Variants in IL1RAPL2 observed in about 807,000 individuals in gnomAD.
The protein encoded by IL1RAPL2 is interleukin 1 receptor accessory protein like 2.
In IL1RAPL2, 3 loss-of-function variants were observed where a neutral mutation model predicts 44.1. The observed-to-expected ratio is 0.07, with a 90% CI of 0.03 to 0.18. IL1RAPL2 has a LOEUF of 0.18. Among genes scored for constraint, IL1RAPL2 ranks in the 10% least tolerant of loss-of-function variants. The pLI, the probability that IL1RAPL2 is intolerant of heterozygous loss-of-function variation, is 1.00. For synonymous variants in IL1RAPL2, 181 were observed against 178.8 expected, an observed-to-expected ratio of 1.01 and a Z score of -0.10; for missense variants, 391 against 496.4, an observed-to-expected ratio of 0.79 and a Z score of 2.02.
intron 2 of IL1RAPL2, among the ~76,000 whole-genome samples, chrX:105,053,028 T>A (rs904001995): frequency 1.8e-5 from 2 of 110,455 alleles, no homozygotes; most frequent in African/African-American, 6.6e-5. Flanking sequence ...GAATAATCAG[T>A]TGGAAATGCA....
intron 6 of IL1RAPL2, among the ~76,000 whole-genome samples, chrX:105,663,633 T>C (rs1433330183): frequency 8.9e-6 from 1 of 111,904 alleles, no homozygotes; most frequent in Non-Finnish European, 1.9e-5. Context: ...GTGTTATTCA[T>C]GTAGTTTTCA....
At chrX:105,253,713 T>C (rs1165858185) in intron 4 of IL1RAPL2, among the ~76,000 whole-genome samples, 1 of 111,488 alleles carries the variant, frequency 9.0e-6, no homozygotes, top group African/African-American at 3.3e-5. Flanking sequence ...CCTTCCACCT[T>C]CAAGTAGACC....
At chrX:105,389,274 G>A (rs1437369786) in intron 5 of IL1RAPL2, among the ~76,000 whole-genome samples, 1 of 111,950 alleles carries the variant, frequency 8.9e-6, no homozygotes, top group Non-Finnish European at 1.9e-5. Context: ...ACCAACAGTT[G>A]GCACTTAATT....
chrX:105,470,493 A>G (rs2036159130), intron 5 of IL1RAPL2, among the ~76,000 whole-genome samples: 1 of 111,873 alleles, frequency 8.9e-6, no homozygotes, highest in Non-Finnish European at 1.9e-5. Context: ...AGGCTGATGA[A>G]GTGGCTTCTA....
intron 1 of IL1RAPL2, among the ~76,000 whole-genome samples, chrX:104,587,776 A>G (rs933178994): frequency 1.2e-4 from 13 of 112,043 alleles, no homozygotes; most frequent in African/African-American, 4.2e-4. Flanking sequence ...AAGTGACTGC[A>G]TGGGGTATAG....
chrX:104,950,011 C>T (rs1015099057), intron 2 of IL1RAPL2, among the ~76,000 whole-genome samples: 20 of 111,042 alleles, frequency 1.8e-4, no homozygotes, highest in African/African-American at 6.2e-4. Context: ...CTAATGTTGA[C>T]AGTGGGGTGT....
At chrX:105,365,065 G>T (rs2035283629) in intron 5 of IL1RAPL2, among the ~76,000 whole-genome samples, 1 of 111,350 alleles carries the variant, frequency 9.0e-6, no homozygotes, top group African/African-American at 3.3e-5. Flanking sequence ...TTGTGTTGAG[G>T]TACATTCCTT....
chrX:105,701,674 A>G (rs1279165431), intron 6 of IL1RAPL2, among the ~76,000 whole-genome samples: 2 of 111,636 alleles, frequency 1.8e-5, no homozygotes. Flanking sequence ...CTCATACTCC[A>G]TAATGACAGT....
At chrX:104,632,056 A>C (rs1292638158) in intron 1 of IL1RAPL2, among the ~76,000 whole-genome samples, 2 of 111,761 alleles carry the variant, frequency 1.8e-5, no homozygotes, top group East Asian at 2.8e-4. Context: ...AGCTTTCTAC[A>C]TATGGCTAGC....
intron 2 of IL1RAPL2, among the ~76,000 whole-genome samples, chrX:104,711,143 C>T (rs1411908061): frequency 9.0e-6 from 1 of 111,147 alleles, no homozygotes; most frequent in Non-Finnish European, 1.9e-5. Context: ...CAATTGCCTA[C>T]AATATTCAGT....
intron 2 of IL1RAPL2, among the ~76,000 whole-genome samples, chrX:105,094,039 T>C (rs1392604007): frequency 9.0e-6 from 1 of 111,206 alleles, no homozygotes; most frequent in Non-Finnish European, 1.9e-5. Flanking sequence ...GACTAGAGCA[T>C]GTGCTGAGCC....
chrX:104,574,549 GTATT>G (rs1217694246), intron 1 of IL1RAPL2, among the ~76,000 whole-genome samples: 2 of 111,759 alleles, frequency 1.8e-5, no homozygotes, highest in African/African-American at 3.3e-5. Flanking sequence ...ATTTCACTAA[GTATT>G]TATTCTAAGA....
chrX:105,283,733 A>T (rs2034550026), intron 5 of IL1RAPL2, among the ~76,000 whole-genome samples: 1 of 110,777 alleles, frequency 9.0e-6, no homozygotes, highest in African/African-American at 3.3e-5. Context: ...AAATATATGA[A>T]TCTGGCATTC....
chrX:105,300,237 T>C, intron 5 of IL1RAPL2, among the ~76,000 whole-genome samples: 1 of 111,853 alleles, frequency 8.9e-6, no homozygotes, highest in Non-Finnish European at 1.9e-5. Flanking sequence ...AAAAAAGTTT[T>C]AATTTGCTCA....
chrX:104,677,427 A>G (rs1482978665), intron 2 of IL1RAPL2, among the ~76,000 whole-genome samples: 4 of 111,092 alleles, frequency 3.6e-5, no homozygotes, highest in Admixed American at 1.9e-4. Flanking sequence ...GGGGTCAGGG[A>G]CCCACTTGAG....
chrX:104,671,758 T>C lies in IL1RAPL2; in HGVS notation c.82+12763T>C, dbSNP rs540445124. ...TGGATTACTGGCACCCTAGCAGTCT[T>C]TAGGAGCAGAACACATGTGATTGAA... is the stretch of plus-strand genomic sequence containing the variant. On this transcript the variant is annotated intron_variant, in intron 2 of 10. Coordinates refer to ENST00000372582, the MANE Select transcript of IL1RAPL2 (RefSeq NM_017416.2). Among the ~76,000 whole-genome samples, 57 of 111,778 alleles carry C rather than the reference T, an allele frequency of 5.1e-4. No individual in the cohort carries two copies. In the South Asian group the frequency reaches 0.02, roughly 39 times the overall value.
chrX:104,717,578 A>AG (rs922736058), intron 2 of IL1RAPL2, among the ~76,000 whole-genome samples: 6 of 109,740 alleles, frequency 5.5e-5, no homozygotes, highest in Non-Finnish European at 1.1e-4. Flanking sequence ...TTGCCTGAGG[A>AG]GGGGGGGCAG....
At chrX:105,328,969 T>A (rs376882210) in intron 5 of IL1RAPL2, among the ~76,000 whole-genome samples, 1 of 112,576 alleles carries the variant, frequency 8.9e-6, no homozygotes, top group South Asian at 3.6e-4. Context: ...TTTCTTAGAA[T>A]GTATCCTCAT....
intron 6 of IL1RAPL2, among the ~76,000 whole-genome samples, chrX:105,572,902 G>A (rs1202907491): frequency 8.9e-6 from 1 of 111,922 alleles, no homozygotes; most frequent in Non-Finnish European, 1.9e-5. Flanking sequence ...AACATATTTT[G>A]ATATTGTTGA....
Sources: gnomAD v4.1 joint callset for allele counts (sites outside exome capture counted in the v4.1 genomes callset) on GRCh38, gnomAD v4.1.1 for gene constraint, MANE v1.5 for transcripts, NCBI Gene and HGNC (gene_info 2026-07-23, HGNC 2026-07-21) for gene names.